FMN2: variants seen among roughly 807,000 people sequenced by gnomAD.
The protein encoded by FMN2 is formin 2, also known as formin-2.
In FMN2, 51 loss-of-function variants were observed where a neutral mutation model predicts 142.3. The ratio of observed to expected loss-of-function variants is 0.36; its 90% confidence interval spans 0.29 to 0.45. FMN2 has a LOEUF of 0.45. Ranked by LOEUF, FMN2 falls within the 20% of genes least tolerant of loss-of-function variation. The pLI, the probability that FMN2 is intolerant of heterozygous loss-of-function variation, is 1.00. For missense variants in FMN2, 1,936 were observed against 2,122.8 expected, an observed-to-expected ratio of 0.91 and a Z score of 1.73; for synonymous variants, 882 against 869.8, an observed-to-expected ratio of 1.01 and a Z score of -0.25.
At chr1:240,247,091 A>G (rs1031740243) in intron 6 of FMN2, among the ~76,000 whole-genome samples, 2 of 152,222 alleles carry the variant, frequency 1.3e-5, no homozygotes, top group African/African-American at 4.8e-5. Flanking sequence ...CCTTTTAGAC[A>G]TCTGTCCTCT....
chr1:240,224,659 T>G (rs1436035374), intron 6 of FMN2, among the ~76,000 whole-genome samples: 1 of 152,138 alleles, frequency 6.6e-6, no homozygotes, highest in Non-Finnish European at 1.5e-5. Flanking sequence ...ATACTCTTAC[T>G]GAAACACCAG....
intron 2 of FMN2, among the ~76,000 whole-genome samples, chr1:240,163,554 T>C (rs1047578362): frequency 2.0e-5 from 3 of 152,188 alleles, no homozygotes; most frequent in Non-Finnish European, 4.4e-5. Context: ...TTATATCTTT[T>C]TACTTTCTAG....
intron 8 of FMN2, among the ~76,000 whole-genome samples, chr1:240,311,370 C>T (rs560716088): frequency 5.9e-4 from 90 of 152,180 alleles, no homozygotes; most frequent in African/African-American, 2.1e-3. Flanking sequence ...ATGTTTTAAG[C>T]AACATTTAAT....
In FMN2 at chr1:240,436,119, A is replaced by G. The variant is rs552132137; in HGVS notation, c.4911-1942A>G. Among the ~76,000 whole-genome samples, 96 of 152,280 alleles carry G rather than the reference A, an allele frequency of 6.3e-4. 1 individual carries two copies. The South Asian group carries it at 0.017, about 28-fold the overall frequency. ...GCCATCTACTCTCCGGGCAGTTCTGATGCCATCAACACATTCCGCCAGGTG... is the reference window on the plus strand; with the variant it reads ...GCCATCTACTCTCCGGGCAGTTCTGGTGCCATCAACACATTCCGCCAGGTG... On this transcript the variant is annotated intron_variant, in intron 15 of 17. Coordinates refer to ENST00000319653, the MANE Select transcript of FMN2 (RefSeq NM_020066.5).
intron 8 of FMN2, among the ~76,000 whole-genome samples, chr1:240,317,618 T>C (rs1462958032): frequency 6.6e-6 from 1 of 152,230 alleles, no homozygotes; most frequent in East Asian, 1.9e-4. Flanking sequence ...GGTATGAACA[T>C]ACTAACATTT....
intron 6 of FMN2, among the ~76,000 whole-genome samples, chr1:240,229,492 C>T (rs1667463007): frequency 6.6e-6 from 1 of 152,040 alleles, no homozygotes; most frequent in African/African-American, 2.4e-5. Context: ...TTAATGATGC[C>T]TCCCTAGAAG....
intron 14 of FMN2, among the ~76,000 whole-genome samples, chr1:240,357,329 A>G (rs1001904302): frequency 3.3e-5 from 5 of 152,194 alleles, no homozygotes; most frequent in African/African-American, 1.2e-4. Context: ...TTATTATATA[A>G]TATTTTGAAT....
intron 2 of FMN2, chr1:240,170,344 G>T (rs1477874161): frequency 5.3e-6 from 6 of 1,123,542 alleles, no homozygotes; most frequent in South Asian, 1.2e-5. Flanking sequence ...TGATCCTGAG[G>T]GTTGTTTTCC....
intron 6 of FMN2, among the ~76,000 whole-genome samples, chr1:240,220,869 C>T (rs533878931): frequency 1.8e-4 from 27 of 151,198 alleles, no homozygotes; most frequent in Admixed American, 1.4e-3. Context: ...CTCCTCCAGC[C>T]CCCCCACCCC....
intron 2 of FMN2, among the ~76,000 whole-genome samples, chr1:240,177,409 T>A (rs1263294850): frequency 2.0e-5 from 3 of 151,982 alleles, no homozygotes; most frequent in Non-Finnish European, 4.4e-5. Context: ...TTTCATGGTT[T>A]CTCTCCCAGT....
chr1:240,196,780 CTG>C (rs1487390938), intron 4 of FMN2, among the ~76,000 whole-genome samples: 1 of 152,146 alleles, frequency 6.6e-6, no homozygotes, highest in Non-Finnish European at 1.5e-5. Context: ...CCCAAATAAT[CTG>C]TGTTTTAACA....
At chr1:240,324,832 G>A (rs184763019) in intron 8 of FMN2, among the ~76,000 whole-genome samples, 89 of 152,190 alleles carry the variant, frequency 5.8e-4, no homozygotes, top group Admixed American at 1.5e-3. Context: ...GCTGTACTAC[G>A]TTATAGTTGT....
At chr1:240,414,056 A>G (rs1674503449) in intron 15 of FMN2, among the ~76,000 whole-genome samples, 1 of 152,092 alleles carries the variant, frequency 6.6e-6, no homozygotes, top group South Asian at 2.1e-4. Flanking sequence ...GATGATTATT[A>G]TTTTCTTTTT....
chr1:240,167,198 G>A (rs893591442), intron 2 of FMN2, among the ~76,000 whole-genome samples: 3 of 152,146 alleles, frequency 2.0e-5, no homozygotes, highest in African/African-American at 7.2e-5. Flanking sequence ...AAATTTTTCT[G>A]TAGAAAATTT....
In FMN2 at chr1:240,207,130, C is replaced by T; in HGVS notation, c.2318C>T (p.Ala773Val). ...LPGRPPCPPG[A>V]ESGPQTKFCS... ...GGGCGTCCTCCATGCCCCCCTGGGG[C>T]TGAAAGTGGACCTCAGACAAAGTTC... Residue 773 changes from alanine to valine, a missense_variant, in exon 5 of 18, where the codon GCT becomes GTT. By Grantham distance (64) the Ala-to-Val change is moderately conservative (BLOSUM62 0). Around this residue, in one of 8 missense-constraint regions of FMN2, gnomAD observed 478 missense variants for 462.8 expected, o/e 1.03. Coordinates refer to ENST00000319653, the MANE Select transcript of FMN2 (RefSeq NM_020066.5). 6.2e-7 allele frequency: 1 copy of T among 1,614,098 alleles called. No individual in the cohort carries two copies. Among genetic ancestry groups the T allele is most frequent in the East Asian group, 2.2e-5 (1 of 44,868 alleles).
chr1:240,136,740 A>G (rs1473818190), intron 2 of FMN2, among the ~76,000 whole-genome samples: 2 of 151,840 alleles, frequency 1.3e-5, no homozygotes, highest in African/African-American at 4.8e-5. Context: ...ATTTCTTCTG[A>G]CCTCCTTTTC....
chr1:240,312,671 G>T (rs1670636451), intron 8 of FMN2, among the ~76,000 whole-genome samples: 1 of 152,150 alleles, frequency 6.6e-6, no homozygotes, highest in South Asian at 2.1e-4. Context: ...TGATGGCATT[G>T]TTTCTTGGAA....
intron 8 of FMN2, among the ~76,000 whole-genome samples, chr1:240,311,316 C>G (rs1670596688): frequency 6.6e-6 from 1 of 151,906 alleles, no homozygotes; most frequent in Admixed American, 6.6e-5. Context: ...ATTGGATTAA[C>G]TGTTCTGTGT....
At chr1:240,162,637 T>C (rs1318174078) in intron 2 of FMN2, among the ~76,000 whole-genome samples, 1 of 152,160 alleles carries the variant, frequency 6.6e-6, no homozygotes, top group African/African-American at 2.4e-5. Context: ...ATCAATGTTA[T>C]GTTTCCTTTT....
Sources: allele counts gnomAD v4.1 joint callset (sites outside exome capture counted in the v4.1 genomes callset), GRCh38; gene constraint gnomAD v4.1.1; regional missense constraint gnomAD v4.1.1; transcripts MANE v1.5; gene names NCBI Gene and HGNC (gene_info 2026-07-23, HGNC 2026-07-21).